VAV2: variants seen among roughly 807,000 people sequenced by gnomAD.
The protein encoded by VAV2 is guanine nucleotide exchange factor VAV2.
VAV2 carries 67 observed loss-of-function variants against 132.5 expected under a neutral mutation model. The observed-to-expected ratio is 0.51, with a 90% CI of 0.42 to 0.62. The LOEUF is 0.62. Ranked by LOEUF, VAV2 falls within the 20% of genes least tolerant of loss-of-function variation. The pLI is 0.00. For missense variants in VAV2, 938 were observed against 1,153.6 expected, an observed-to-expected ratio of 0.81 and a Z score of 2.71; for synonymous variants, 492 against 443.5, an observed-to-expected ratio of 1.11 and a Z score of -1.37.
At chr9:133,848,640 C>A (rs1041484653) in intron 3 of VAV2, among the ~76,000 whole-genome samples, 2 of 152,264 alleles carry the variant, frequency 1.3e-5, no homozygotes, top group African/African-American at 4.8e-5. Flanking sequence ...CCTTCAAAAC[C>A]AGGCCATGTG....
At position 133,812,100 on chromosome 9, in the gene VAV2, G is replaced by A. The variant is rs780632277; in HGVS notation, c.552+14C>T. Reference sequence around the variant, plus strand: ...AAGGGAGGGGAAGGGAGGGAGGAGCGGGGCAGGGCTCACCATGGGCTGCTG... The same window carrying A: ...AAGGGAGGGGAAGGGAGGGAGGAGCAGGGCAGGGCTCACCATGGGCTGCTG... On this transcript the variant is annotated intron_variant, in intron 5 of 29. Coordinates refer to ENST00000371850, the MANE Select transcript of VAV2 (RefSeq NM_001134398.2). 38 of 1,612,336 alleles carry A rather than the reference G, an allele frequency of 2.4e-5. No individual in the cohort carries two copies. The highest frequency in any genetic ancestry group is 1.6e-4 in the Middle Eastern group (1 of 6,080).
chr9:133,805,966 G>A, intron 9 of VAV2, 115 bp downstream of exon 9: 1 of 1,138,420 alleles, frequency 8.8e-7, no homozygotes. Context: ...TCCAGAGGGG[G>A]CGGCCCCTGC....
chr9:133,902,541 G>A (rs1839484713), intron 2 of VAV2, among the ~76,000 whole-genome samples: 1 of 152,206 alleles, frequency 6.6e-6, no homozygotes, highest in Admixed American at 6.5e-5. Context: ...GGGGTGCTGG[G>A]GTGCAGGCTG....
intron 1 of VAV2, among the ~76,000 whole-genome samples, chr9:133,965,425 C>T (rs535482930): frequency 6.4e-4 from 95 of 148,244 alleles, no homozygotes; most frequent in African/African-American, 2.2e-3. Context: ...TTTGAACCCA[C>T]GAGATGAAGG....
intron 20 of VAV2, 190 bp from the exon 21 acceptor site, chr9:133,780,129 G>A: frequency 1.4e-6 from 1 of 693,148 alleles, no homozygotes; most frequent in Non-Finnish European, 2.4e-6. Context: ...TCACCTCTGT[G>A]CACCTCCACT....
At chr9:133,936,560 T>A (rs1840917688) in intron 2 of VAV2, among the ~76,000 whole-genome samples, 1 of 152,158 alleles carries the variant, frequency 6.6e-6, no homozygotes, top group Non-Finnish European at 1.5e-5. Flanking sequence ...TGCATCTTTA[T>A]GTATAAAATA....
At chr9:133,811,296 C>T (rs909619546) in intron 5 of VAV2, among the ~76,000 whole-genome samples, 3 of 152,388 alleles carry the variant, frequency 2.0e-5, no homozygotes, top group Non-Finnish European at 4.4e-5. Context: ...TGGGCAAGGC[C>T]TCTTTAGGGA....
chr9:133,980,293 AC>A (rs1354009312), intron 1 of VAV2, among the ~76,000 whole-genome samples: 1 of 152,126 alleles, frequency 6.6e-6, no homozygotes, highest in African/African-American at 2.4e-5. Flanking sequence ...CAGCTGCATG[AC>A]CTCAGACTGG....
At chr9:133,770,640 G>A (rs192728184) in intron 26 of VAV2, 139 bp from the exon 27 acceptor site, 227 of 1,299,578 alleles carry the variant, frequency 1.7e-4, no homozygotes, top group Admixed American at 2.7e-4. Flanking sequence ...CCCACATCCC[G>A]CCAGCCCATG....
intron 3 of VAV2, among the ~76,000 whole-genome samples, chr9:133,852,327 G>A (rs953861526): frequency 1.3e-5 from 2 of 149,962 alleles, no homozygotes; most frequent in African/African-American, 4.9e-5. Flanking sequence ...GATAGATGAT[G>A]AATGAATGGT....
At position 133,797,767 on chromosome 9, in the gene VAV2, G is replaced by A; in HGVS notation, c.879C>T (p.Ala293=). The A allele has an allele frequency of 6.2e-7, 1 of 1,614,036 alleles. No individual in the cohort carries two copies. The highest frequency in any genetic ancestry group is 8.5e-7 in the Non-Finnish European group (1 of 1,179,968). The change falls in exon 10 of 30, where the codon GCC becomes GCT. Residue 293 remains alanine, a synonymous_variant. Transcript: ENST00000371850. Reference sequence around the variant, plus strand: ...CCAGGAGCTGGTTCAGTGTGTTCTGGGCGTGCTCCATGTGGCTGCAGTACT... The same window carrying A: ...CCAGGAGCTGGTTCAGTGTGTTCTGAGCGTGCTCCATGTGGCTGCAGTACT... ...YGEYCSHMEH[A]QNTLNQLLAS...
intron 2 of VAV2, among the ~76,000 whole-genome samples, chr9:133,882,420 C>T (rs954420612): frequency 6.6e-6 from 1 of 152,214 alleles, no homozygotes; most frequent in Non-Finnish European, 1.5e-5. Context: ...CTTCCTGGAA[C>T]CTCAGAATGC....
chr9:133,815,249 ACAAGTCCACG>A, intron 4 of VAV2, among the ~76,000 whole-genome samples: 1 of 152,044 alleles, frequency 6.6e-6, no homozygotes, highest in South Asian at 2.1e-4. Context: ...GGATCTAGGT[ACAAGTCCACG>A]TCTGTGTAGC....
intron 4 of VAV2, among the ~76,000 whole-genome samples, chr9:133,820,602 G>A (rs1180165795): frequency 6.6e-6 from 1 of 152,174 alleles, no homozygotes; most frequent in Non-Finnish European, 1.5e-5. Flanking sequence ...TGGGATTACA[G>A]GCGTGAGCCA....
chr9:133,969,515 AG>A lies in VAV2; in HGVS notation c.204+22559del, dbSNP rs1050830073. On this transcript the variant is annotated intron_variant, in intron 1 of 29. Transcript: ENST00000371850. The surrounding 1 kb of genome is among the most constrained non-coding windows in gnomAD (Gnocchi z 5.1). The stretch of plus-strand genomic sequence containing the variant: ...AGCCTGAGGCCAACCAGGGAACCTC[AG>A]GGGTGGAGCTGAAACACCCCAACCC... Among the ~76,000 whole-genome samples the A allele has an allele frequency of 1.3e-4, 19 of 151,990 alleles. No individual in the cohort carries two copies. Among genetic ancestry groups the A allele is most frequent in the African/African-American group, 4.6e-4 (19 of 41,368 alleles).
rs1162135793 is a variant in VAV2, at chr9:133,992,052, C to T, written c.204+23G>A. ...AGCGCGAACGCCGCCTCCCCGGGGCCCTCCCGCCCGCCGGGCGCTCACCTG... is the reference window on the plus strand; with the variant it reads ...AGCGCGAACGCCGCCTCCCCGGGGCTCTCCCGCCCGCCGGGCGCTCACCTG... On this transcript the variant is annotated intron_variant, in intron 1 of 29. Coordinates refer to ENST00000371850, the MANE Select transcript of VAV2 (RefSeq NM_001134398.2). The surrounding 1 kb of genome is among the most constrained non-coding windows in gnomAD (Gnocchi z 5.5). 3 of 1,522,514 alleles carry T rather than the reference C, an allele frequency of 2.0e-6. No homozygotes were observed. Among genetic ancestry groups the T allele is most frequent in the Admixed American group, 2.0e-5 (1 of 48,996 alleles). 94.3% of individuals were successfully genotyped at this position (1,522,514 alleles called of 1,614,324 possible). A position where few individuals can be genotyped will look rare whatever the true frequency, so the allele number is the denominator to read the frequency against.
rs999382988 is a variant in VAV2, at chr9:133,912,854, C to T, written c.321+26249G>A. Among the ~76,000 whole-genome samples the T allele has an allele frequency of 2.6e-5, 4 of 152,226 alleles. No individual in the cohort carries two copies. Among genetic ancestry groups the T allele is most frequent in the African/African-American group, 7.2e-5 (3 of 41,462 alleles). On this transcript the variant is annotated intron_variant, in intron 2 of 29. Transcript: ENST00000371850. This position sits in a 1 kb window ranked among gnomAD's most constrained non-coding sequence, Gnocchi z 4.3. ...GAGTCGTCCTGTGAGCCAGTGACCA[C>T]TCGTCCCAAACATAGCTTCTATTCA...
chr9:133,771,433 G>GCT (rs1690983302), intron 26 of VAV2, among the ~76,000 whole-genome samples: 1 of 152,164 alleles, frequency 6.6e-6, no homozygotes, highest in Non-Finnish European at 1.5e-5. Flanking sequence ...GAGCCTGGGG[G>GCT]CTCTAATCAG....
At chr9:133,956,696 C>T (rs960775896) in intron 1 of VAV2, among the ~76,000 whole-genome samples, 2 of 152,184 alleles carry the variant, frequency 1.3e-5, no homozygotes, top group Non-Finnish European at 2.9e-5. Flanking sequence ...GGGCAGAGCA[C>T]CAGGGGGCGA....
Sources: gnomAD v4.1 joint callset for allele counts (sites outside exome capture counted in the v4.1 genomes callset) on GRCh38, gnomAD v4.1.1 for gene constraint, Gnocchi (gnomAD v3.1) non-coding constraint, MANE v1.5 for transcripts, NCBI Gene and HGNC (gene_info 2026-07-23, HGNC 2026-07-21) for gene names.